The following CSNK1G1 variants were observed in gnomAD, a reference collection of about 807,000 sequenced individuals.
The protein encoded by CSNK1G1 is casein kinase 1 gamma 1, also known as casein kinase I isoform gamma-1.
CSNK1G1 carries 22 observed loss-of-function variants against 59.6 expected under a neutral mutation model. That is an observed-to-expected ratio of 0.37 (90% CI 0.26 to 0.53). CSNK1G1 has a LOEUF of 0.53. CSNK1G1 is among the 20% of genes least tolerant of loss of function. The pLI is 0.89. For synonymous variants in CSNK1G1, 179 were observed against 177.1 expected (o/e 1.01, Z -0.08); for missense variants, 384 against 519.5 (o/e 0.74, Z 2.54).
At chr15:64,196,820 C>G (rs1445431673) in intron 10 of CSNK1G1, among the ~76,000 whole-genome samples, 2 of 151,868 alleles carry the variant, frequency 1.3e-5, no homozygotes, top group East Asian at 3.9e-4. Flanking sequence ...CACCCCTCCC[C>G]TTGAGCAGAC....
intron 2 of CSNK1G1, among the ~76,000 whole-genome samples, chr15:64,260,008 C>G (rs7176847): frequency 0.19 from 29,306 of 152,042 alleles, 3,895 homozygotes; most frequent in African/African-American, 0.38. Flanking sequence ...CATTCACTTA[C>G]TGAACCTGTA....
intron 1 of CSNK1G1, among the ~76,000 whole-genome samples, chr15:64,336,765 C>G (rs558045030): frequency 6.6e-6 from 1 of 152,002 alleles, no homozygotes; most frequent in Admixed American, 6.6e-5. Context: ...GTTTTAGTCA[C>G]GATTCTATGG....
At chr15:64,326,185 C>G (rs900271866) in intron 1 of CSNK1G1, among the ~76,000 whole-genome samples, 2 of 152,048 alleles carry the variant, frequency 1.3e-5, no homozygotes, top group African/African-American at 4.8e-5. Flanking sequence ...GCCATGATGC[C>G]CAGCTGATTT....
chr15:64,309,860 A>G (rs1204211071), intron 1 of CSNK1G1, among the ~76,000 whole-genome samples: 1 of 152,186 alleles, frequency 6.6e-6, no homozygotes, highest in Non-Finnish European at 1.5e-5. Context: ...CTATAATCCT[A>G]GAACTTTGGG....
intron 4 of CSNK1G1, among the ~76,000 whole-genome samples, chr15:64,247,153 A>C (rs117413567): frequency 0.019 from 2,885 of 152,330 alleles, 36 homozygotes; most frequent in Non-Finnish European, 0.03. Context: ...GCTGGAAAAA[A>C]GATTTATGGA....
At chr15:64,324,772 GACC>G (rs1159432604) in intron 1 of CSNK1G1, among the ~76,000 whole-genome samples, 3 of 152,106 alleles carry the variant, frequency 2.0e-5, no homozygotes, top group African/African-American at 7.2e-5. Flanking sequence ...TACACCCTAG[GACC>G]ACATATTCTT....
intron 4 of CSNK1G1, among the ~76,000 whole-genome samples, chr15:64,219,777 CTTT>C (rs750402203): frequency 2.9e-5 from 4 of 136,292 alleles, no homozygotes; most frequent in Non-Finnish European, 3.1e-5. Context: ...CTTTTCTTTT[CTTT>C]TTTTTTTTTT....
intron 1 of CSNK1G1, among the ~76,000 whole-genome samples, chr15:64,321,967 T>C (rs992676692): frequency 4.6e-5 from 7 of 152,270 alleles, no homozygotes; most frequent in Non-Finnish European, 1.5e-5. Flanking sequence ...TAGGCTCTAA[T>C]TGGATCTTAT....
Position 64,171,646 on chromosome 15 carries a change from C to T in CSNK1G1, c.*285G>A. 2.0e-6 allele frequency: 1 copy of T among 497,660 alleles called. No individual in the cohort carries two copies. Among genetic ancestry groups the T allele is most frequent in the Admixed American group, 3.3e-5 (1 of 29,864 alleles). 30.8% of individuals were successfully genotyped at this position (497,660 alleles called of 1,614,324 possible). A position where few individuals can be genotyped will look rare whatever the true frequency, so the allele number is the denominator to read the frequency against. On this transcript the variant is annotated 3_prime_UTR_variant, in exon 12 of 12. Coordinates refer to ENST00000303052, the MANE Select transcript of CSNK1G1 (RefSeq NM_022048.5). This position sits in a 1 kb window ranked among gnomAD's most constrained non-coding sequence, Gnocchi z 4.8. Reference sequence around the variant, plus strand: ...TGAGTTTTTGTGAATGACACCTTCACTGTAAACAATGGGAAGGAGAGTCAA... The same window carrying T: ...TGAGTTTTTGTGAATGACACCTTCATTGTAAACAATGGGAAGGAGAGTCAA...
intron 4 of CSNK1G1, among the ~76,000 whole-genome samples, chr15:64,235,652 G>A (rs2082604558): frequency 6.6e-6 from 1 of 152,172 alleles, no homozygotes; most frequent in African/African-American, 2.4e-5. Flanking sequence ...AAAGGAAAGG[G>A]GGTTCTGGAT....
intron 4 of CSNK1G1, among the ~76,000 whole-genome samples, chr15:64,238,514 A>ATAT (rs1375821783): frequency 4.3e-4 from 46 of 107,494 alleles, no homozygotes; most frequent in South Asian, 1.7e-3. Context: ...AAAAAAAAAA[A>ATAT]AAAAATATAT....
chr15:64,295,388 G>A (rs777948508), intron 2 of CSNK1G1, among the ~76,000 whole-genome samples: 3 of 152,164 alleles, frequency 2.0e-5, no homozygotes, highest in Non-Finnish European at 4.4e-5. Flanking sequence ...TCTTCAAGCT[G>A]GCACATTTAG....
At chr15:64,281,998 C>T (rs1384106691) in intron 2 of CSNK1G1, among the ~76,000 whole-genome samples, 9 of 151,260 alleles carry the variant, frequency 6.0e-5, no homozygotes, top group African/African-American at 1.7e-4. Context: ...CTAGGCTCAG[C>T]GCAGCCTCAA....
chr15:64,218,881 G>C (rs1228256241), intron 4 of CSNK1G1, among the ~76,000 whole-genome samples: 1 of 126,296 alleles, frequency 7.9e-6, no homozygotes, highest in South Asian at 2.7e-4. Flanking sequence ...TTTACATGGA[G>C]TTTCACTCTG....
intron 1 of CSNK1G1, chr15:64,315,747 TC>T (rs779206373): frequency 6.6e-6 from 1 of 152,134 alleles, no homozygotes; most frequent in Non-Finnish European, 1.5e-5. Context: ...CTCACAACTG[TC>T]CTCCTGAAAC....
intron 4 of CSNK1G1, among the ~76,000 whole-genome samples, chr15:64,250,144 G>T (rs1891994925): frequency 6.6e-6 from 1 of 152,052 alleles, no homozygotes; most frequent in Admixed American, 6.6e-5. Context: ...GTAGTCCTGG[G>T]GCATGTGGGA....
At chr15:64,290,116 T>C (rs1459316102) in intron 2 of CSNK1G1, among the ~76,000 whole-genome samples, 1 of 152,154 alleles carries the variant, frequency 6.6e-6, no homozygotes, top group Non-Finnish European at 1.5e-5. Context: ...TTGGCGGGAA[T>C]GTAAATGAGT....
chr15:64,315,722 C>T (rs1361778796), intron 1 of CSNK1G1: 5 of 152,174 alleles, frequency 3.3e-5, no homozygotes, highest in Admixed American at 3.3e-4. Context: ...CCCACTGAGC[C>T]AAAAGTGCAC....
rs2081744973 is a variant in CSNK1G1, at chr15:64,176,620, C to A, written c.1214+3728G>T. On this transcript the variant is annotated intron_variant, in intron 11 of 11. Coordinates refer to ENST00000303052, the MANE Select transcript of CSNK1G1 (RefSeq NM_022048.5). The surrounding 1 kb of genome is among the most constrained non-coding windows in gnomAD (Gnocchi z 5.2). The stretch of plus-strand genomic sequence containing the variant: ...GGCAGCAGGGGAAAGAGCAAATGAC[C>A]CTGCCTGTAAGAACTCAATCAAGCA... Among the ~76,000 whole-genome samples, 1 of 152,128 alleles carries A rather than the reference C, an allele frequency of 6.6e-6. No individual in the cohort carries two copies. The highest frequency in any genetic ancestry group is 1.5e-5 in the Non-Finnish European group (1 of 68,022).
Sources: gnomAD v4.1 joint callset for allele counts (sites outside exome capture counted in the v4.1 genomes callset) on GRCh38, gnomAD v4.1.1 for gene constraint, Gnocchi (gnomAD v3.1) non-coding constraint, MANE v1.5 for transcripts, NCBI Gene and HGNC (gene_info 2026-07-23, HGNC 2026-07-21) for gene names.